Variants in PCDH9 observed in about 807,000 individuals in gnomAD.
PCDH9 encodes the protein protocadherin 9.
PCDH9 carries 24 observed loss-of-function variants against 70.6 expected under a neutral mutation model. The observed-to-expected ratio is 0.34, with a 90% confidence interval of 0.25 to 0.48. PCDH9 has a LOEUF of 0.48. Among genes scored for constraint, PCDH9 ranks in the 20% least tolerant of loss-of-function variants. The pLI is 0.99. For missense variants in PCDH9, 1,281 were observed against 1,503.6 expected, an observed-to-expected ratio of 0.85 and a Z score of 2.45; for synonymous variants, 562 against 558.5, an observed-to-expected ratio of 1.01 and a Z score of -0.09.
chr13:67,157,531 A>C (rs1373561690), intron 2 of PCDH9, among the ~76,000 whole-genome samples: 3 of 152,228 alleles, frequency 2.0e-5, no homozygotes, highest in Non-Finnish European at 4.4e-5. Flanking sequence ...ATATGATTAT[A>C]GCACTGGCCT....
intron 4 of PCDH9, among the ~76,000 whole-genome samples, chr13:66,340,437 G>A (rs1459801913): frequency 6.6e-6 from 1 of 152,170 alleles, no homozygotes; most frequent in East Asian, 1.9e-4. Flanking sequence ...TGGGCAATAT[G>A]TAATGCTGGA....
intron 3 of PCDH9, among the ~76,000 whole-genome samples, chr13:66,671,768 G>C (rs2078178368): frequency 6.6e-6 from 1 of 152,110 alleles, no homozygotes; most frequent in South Asian, 2.1e-4. Flanking sequence ...AAAGCATTTA[G>C]TTTTATGTAT....
chr13:67,108,623 G>T (rs2086594798), intron 2 of PCDH9, among the ~76,000 whole-genome samples: 1 of 152,034 alleles, frequency 6.6e-6, no homozygotes, highest in Non-Finnish European at 1.5e-5. Flanking sequence ...CTTATTACAG[G>T]AATAAAGATT....
At chr13:66,315,677 C>A (rs1955638856) in intron 4 of PCDH9, among the ~76,000 whole-genome samples, 1 of 152,112 alleles carries the variant, frequency 6.6e-6, no homozygotes, top group African/African-American at 2.4e-5. Context: ...GACGGGGTTT[C>A]TCCTTGTTGG....
chr13:66,550,041 T>C (rs1372091713), intron 4 of PCDH9, among the ~76,000 whole-genome samples: 2 of 152,254 alleles, frequency 1.3e-5, no homozygotes, highest in East Asian at 3.9e-4. Context: ...AGAGCAATCA[T>C]AATTTTTAAA....
At chr13:67,167,243 A>C (rs1423691465) in intron 2 of PCDH9, among the ~76,000 whole-genome samples, 1 of 152,160 alleles carries the variant, frequency 6.6e-6, no homozygotes, top group Non-Finnish European at 1.5e-5. Flanking sequence ...CATAGGCTTT[A>C]ATCTGCATCT....
chr13:66,322,430 T>A (rs1287722251), intron 4 of PCDH9, among the ~76,000 whole-genome samples: 2 of 152,018 alleles, frequency 1.3e-5, no homozygotes, highest in Non-Finnish European at 2.9e-5. Context: ...TCAATTTGAG[T>A]GGCAGCACTA....
chr13:66,865,905 T>C (rs770911251), intron 3 of PCDH9, among the ~76,000 whole-genome samples: 3 of 152,252 alleles, frequency 2.0e-5, no homozygotes, highest in Non-Finnish European at 2.9e-5. Flanking sequence ...GTATATGGCC[T>C]GTGTAGAATT....
At position 66,455,020 on chromosome 13, in the gene PCDH9, T is replaced by A. The variant is rs1269946858; in HGVS notation, c.3341-149992A>T. On this transcript the variant is annotated intron_variant, in intron 4 of 4. Transcript: ENST00000377865. ...AAAAAAATTACTTGAGTTGATTTTA[T>A]TTCTTACATCTTTCAGAGATGTTTG... 2.0e-5 allele frequency among the ~76,000 whole-genome samples: 3 copies of A among 152,260 alleles called. No individual in the cohort carries two copies. In the East Asian group the frequency reaches 5.8e-4, roughly 29 times the overall value.
intron 2 of PCDH9, among the ~76,000 whole-genome samples, chr13:67,046,282 G>T (rs1295059726): frequency 6.6e-6 from 1 of 152,114 alleles, no homozygotes; most frequent in African/African-American, 2.4e-5. Context: ...AGTTTTAAGT[G>T]ATATAGCCTA....
chr13:66,959,580 C>T (rs1215349820), intron 2 of PCDH9, among the ~76,000 whole-genome samples: 1 of 151,862 alleles, frequency 6.6e-6, no homozygotes, highest in Non-Finnish European at 1.5e-5. Context: ...TGGCAAGACC[C>T]TGTCTCTGCA....
At chr13:66,526,507 A>ATC (rs67724900) in intron 4 of PCDH9, among the ~76,000 whole-genome samples, 84,605 of 149,010 alleles carry the variant, frequency 0.57, 23,806 homozygotes, top group Admixed American at 0.64. Context: ...ATGCTTTGAA[A>ATC]TCTCTCTCTC....
chr13:66,305,111 A>G (rs1955441799), intron 4 of PCDH9, 83 bp from the exon 5 acceptor site: 2 of 1,182,238 alleles, frequency 1.7e-6, no homozygotes, highest in Non-Finnish European at 2.3e-6. Flanking sequence ...AAAGTATGTT[A>G]TTAGTGATCT....
chr13:66,673,049 G>C (rs1006828137), intron 3 of PCDH9, among the ~76,000 whole-genome samples: 4 of 152,158 alleles, frequency 2.6e-5, no homozygotes, highest in Non-Finnish European at 5.9e-5. Flanking sequence ...GATTGCCTTT[G>C]AAATGTAAGG....
intron 3 of PCDH9, among the ~76,000 whole-genome samples, chr13:66,811,713 C>CCTTT (rs1264415119): frequency 3.6e-4 from 54 of 149,734 alleles, no homozygotes; most frequent in African/African-American, 1.3e-3. Context: ...ACCTTCTTCA[C>CCTTT]CTTTCTTTCT....
At chr13:66,929,634 A>T (rs1474361759) in intron 2 of PCDH9, among the ~76,000 whole-genome samples, 2 of 152,000 alleles carry the variant, frequency 1.3e-5, no homozygotes, top group Non-Finnish European at 2.9e-5. Context: ...GACTTATTAA[A>T]TTTTTTAAAT....
intron 2 of PCDH9, among the ~76,000 whole-genome samples, chr13:67,114,496 G>GT (rs1313909497): frequency 2.0e-5 from 3 of 152,000 alleles, no homozygotes; most frequent in East Asian, 1.9e-4. Flanking sequence ...TACTCTTACA[G>GT]TTTTTTTTAC....
At chr13:66,745,680 T>C (rs1335488999) in intron 3 of PCDH9, among the ~76,000 whole-genome samples, 1 of 152,132 alleles carries the variant, frequency 6.6e-6, no homozygotes, top group Non-Finnish European at 1.5e-5. Context: ...TCATCTTAAA[T>C]TAATAATAAT....
chr13:66,326,844 C>T (rs971049216), intron 4 of PCDH9, among the ~76,000 whole-genome samples: 2 of 150,274 alleles, frequency 1.3e-5, no homozygotes, highest in African/African-American at 5.0e-5. Context: ...GTTTAAAAAA[C>T]TATTAAACAT....
Sources: allele counts gnomAD v4.1 joint callset (sites outside exome capture counted in the v4.1 genomes callset), GRCh38; gene constraint gnomAD v4.1.1; transcripts MANE v1.5; gene names NCBI Gene and HGNC (gene_info 2026-07-23, HGNC 2026-07-21).